Variants in SMARCA1 observed in about 807,000 individuals in gnomAD.
The protein encoded by SMARCA1 is SWI/SNF-related matrix-associated actin-dependent regulator of chromatin subfamily A member 1.
In SMARCA1, 17 loss-of-function variants were observed where a neutral mutation model predicts 93.6. That is an observed-to-expected ratio of 0.18 (90% CI 0.12 to 0.27). The LOEUF is 0.27. Ranked by LOEUF, SMARCA1 falls within the 10% of genes least tolerant of loss-of-function variation. The pLI is 1.00. For missense variants in SMARCA1, 630 were observed against 819.0 expected (o/e 0.77, Z 2.82); for synonymous variants, 271 against 271.4 (o/e 1.00, Z 0.01).
intron 19 of SMARCA1, among the ~76,000 whole-genome samples, chrX:129,474,857 C>T (rs1406183237): frequency 9.1e-5 from 10 of 110,489 alleles, no homozygotes; most frequent in Non-Finnish European, 3.8e-5. Flanking sequence ...AGGTCTTTCC[C>T]ATGCTGTTCT....
chrX:129,461,100 T>G (rs1288339820), intron 23 of SMARCA1, among the ~76,000 whole-genome samples: 1 of 111,616 alleles, frequency 9.0e-6, no homozygotes, highest in African/African-American at 3.3e-5. Flanking sequence ...AAAAATGCAT[T>G]GAAACTACTA....
chrX:129,520,931 G>A (rs1014751972), intron 1 of SMARCA1, among the ~76,000 whole-genome samples: 13 of 111,907 alleles, frequency 1.2e-4, no homozygotes, highest in African/African-American at 4.2e-4. Context: ...AGGTTGGAGT[G>A]CAGTGGTGGG....
intron 16 of SMARCA1, 135 bp from the exon 17 acceptor site, chrX:129,487,272 G>A: frequency 2.5e-6 from 1 of 406,747 alleles, no homozygotes; most frequent in South Asian, 6.7e-5. Context: ...TGAATGCAAT[G>A]CTAACATCAA....
intron 16 of SMARCA1, among the ~76,000 whole-genome samples, chrX:129,487,898 GAC>G (rs1046080073): frequency 1.8e-5 from 2 of 111,884 alleles, no homozygotes; most frequent in African/African-American, 6.5e-5. Flanking sequence ...TTTCAGGTGA[GAC>G]AATGTTATAA....
intron 5 of SMARCA1, among the ~76,000 whole-genome samples, chrX:129,515,164 C>T (rs1569450113): frequency 1.8e-5 from 2 of 111,393 alleles, no homozygotes; most frequent in Non-Finnish European, 3.8e-5. Flanking sequence ...GGTTTTTGGA[C>T]CATTTGAGGA....
At position 129,471,338 on chromosome X, in the gene SMARCA1, G is replaced by C. The variant is rs772585271; in HGVS notation, c.2443-12C>G. 1 of 1,164,369 alleles carries C rather than the reference G, an allele frequency of 8.6e-7. No individual in the cohort carries two copies. Among genetic ancestry groups the C allele is most frequent in the Non-Finnish European group, 1.2e-6 (1 of 861,511 alleles). ...GGATTCCTTGGAACCTATAAATCAA[G>C]AGATAAACTAAGAGTAAACTGATGA... On this transcript the variant is annotated splice_polypyrimidine_tract_variant and intron_variant, in intron 19 of 24. Transcript: ENST00000371121.
intron 20 of SMARCA1, among the ~76,000 whole-genome samples, chrX:129,469,559 C>T (rs112320639): frequency 0.019 from 2,171 of 111,949 alleles, 48 homozygotes; most frequent in African/African-American, 0.066. Context: ...TTCCACTCCT[C>T]GAGCCCCAAC....
intron 23 of SMARCA1, among the ~76,000 whole-genome samples, chrX:129,449,668 A>G (rs1932191510): frequency 8.9e-6 from 1 of 112,054 alleles, no homozygotes; most frequent in Middle Eastern, 4.6e-3. Context: ...TTAATATCAA[A>G]GGATAAATAA....
chrX:129,480,766 G>A lies in SMARCA1; in HGVS notation c.2377C>T (p.Pro793Ser). The A allele has an allele frequency of 8.7e-7, 1 of 1,153,492 alleles. No homozygotes were observed. The change falls in exon 19 of 25, where the codon CCA becomes TCA. Residue 793 changes from proline to serine, a missense_variant. Physicochemically the swap from Pro to Ser is moderately conservative, Grantham distance 74. This residue lies in a region of SMARCA1 where 382 missense variants were observed against 537.9 expected (regional missense o/e 0.71). Transcript: ENST00000371121. Reference sequence around the variant, plus strand: ...TCCAGGAGCTCAAATAAGCGTGGTGGGAAAAATTGAAAATCCTGAACATTT... The same window carrying A: ...TCCAGGAGCTCAAATAAGCGTGGTGAGAAAAATTGAAAATCCTGAACATTT... Reference protein sequence around the residue: ...QPNVQDFQFFPPRLFELLEKE... With the variant: ...QPNVQDFQFFSPRLFELLEKE...
chrX:129,463,167 T>C (rs999429636), intron 23 of SMARCA1, among the ~76,000 whole-genome samples: 5 of 111,717 alleles, frequency 4.5e-5, no homozygotes. Flanking sequence ...GAAAAGGGTA[T>C]GTATATTCTA....
chrX:129,462,148 A>G (rs1243128054), intron 23 of SMARCA1, among the ~76,000 whole-genome samples: 3 of 112,267 alleles, frequency 2.7e-5, no homozygotes, highest in African/African-American at 6.5e-5. Flanking sequence ...TCTGAGAAAG[A>G]AAAGAGTCAT....
At chrX:129,520,479 C>T (rs1911939002) in intron 1 of SMARCA1, among the ~76,000 whole-genome samples, 1 of 110,771 alleles carries the variant, frequency 9.0e-6, no homozygotes, top group Non-Finnish European at 1.9e-5. Flanking sequence ...ATCATGAAAG[C>T]GCTCTCATTC....
At position 129,497,850 on chromosome X, in the gene SMARCA1, T is replaced by C; in HGVS notation, c.1499A>G (p.Glu500Gly). 8.5e-7 allele frequency: 1 copy of C among 1,169,981 alleles called. No individual in the cohort carries two copies. Among genetic ancestry groups the C allele is most frequent in the Non-Finnish European group, 1.2e-6 (1 of 857,820 alleles). ...VLDKLLAKLK[E>G]QGSRVLIFSQ... Reference sequence around the variant, plus strand: ...TTTAAAAATTTATTACTCACCCTGTTCTTTGAGTTTGGCCAATAGTTTATC... The same window carrying C: ...TTTAAAAATTTATTACTCACCCTGTCCTTTGAGTTTGGCCAATAGTTTATC... Residue 500 changes from glutamate (E) to glycine (G), a missense_variant, in exon 11 of 25, where the codon GAA (glutamate) becomes GGA (glycine). Glu to Gly is a moderately conservative substitution (Grantham distance 98, BLOSUM62 -2). This residue lies in a region of SMARCA1 where 382 missense variants were observed against 537.9 expected (regional missense o/e 0.71). Transcript: ENST00000371121.
chrX:129,464,253 C>G (rs1932856618), intron 23 of SMARCA1, among the ~76,000 whole-genome samples: 1 of 112,323 alleles, frequency 8.9e-6, no homozygotes, highest in Non-Finnish European at 1.9e-5. Context: ...TAAAGTGAGT[C>G]AAGCAAAATA....
chrX:129,517,582 G>C (rs1488451261), intron 2 of SMARCA1, among the ~76,000 whole-genome samples: 2 of 110,646 alleles, frequency 1.8e-5, no homozygotes, highest in Non-Finnish European at 3.8e-5. Flanking sequence ...ACCTACATTA[G>C]ATGTGGCCTT....
chrX:129,450,369 C>T (rs1362889350), intron 23 of SMARCA1, among the ~76,000 whole-genome samples: 2 of 112,125 alleles, frequency 1.8e-5, no homozygotes, highest in Non-Finnish European at 3.8e-5. Flanking sequence ...TGATCTTGAA[C>T]TTTCAGTCTC....
At chrX:129,489,496 T>C (rs1463707075) in intron 15 of SMARCA1, among the ~76,000 whole-genome samples, 2 of 112,899 alleles carry the variant, frequency 1.8e-5, no homozygotes, top group Non-Finnish European at 3.7e-5. Context: ...AACTACTCCA[T>C]ATATCAAATG....
chrX:129,459,392 C>T (rs186596514), intron 23 of SMARCA1, among the ~76,000 whole-genome samples: 1 of 111,740 alleles, frequency 8.9e-6, no homozygotes, highest in East Asian at 2.8e-4. Flanking sequence ...GCACTCCAGC[C>T]TGGCAACAGA....
chrX:129,478,936 G>A (rs1247651462), intron 19 of SMARCA1, among the ~76,000 whole-genome samples: 2 of 111,421 alleles, frequency 1.8e-5, no homozygotes, highest in African/African-American at 3.3e-5. Flanking sequence ...TCTGAATACT[G>A]AGAAACTGGT....
Sources: allele counts gnomAD v4.1 joint callset (sites outside exome capture counted in the v4.1 genomes callset), GRCh38; gene constraint gnomAD v4.1.1; regional missense constraint gnomAD v4.1.1; transcripts MANE v1.5; gene names NCBI Gene and HGNC (gene_info 2026-07-23, HGNC 2026-07-21).